The following MYZAP variants were observed in gnomAD, a reference collection of about 807,000 sequenced individuals.
The protein encoded by MYZAP is GRINL1A complex locus upstream.
Under a neutral mutation model 69.4 loss-of-function variants are expected in MYZAP, and 66 were observed. The observed-to-expected ratio is 0.95, with a 90% confidence interval of 0.78 to 1.17. The LOEUF (loss-of-function observed/expected upper bound fraction) is 1.17. MYZAP is among the 50% of genes most tolerant of loss of function. The pLI, the probability that MYZAP is intolerant of heterozygous loss-of-function variation, is 0.00. For missense variants in MYZAP, 611 were observed against 556.2 expected (o/e 1.10, Z -0.99); for synonymous variants, 256 against 205.9 (o/e 1.24, Z -2.09).
At chr15:57,626,440 T>C (rs1422955193) in intron 5 of MYZAP, among the ~76,000 whole-genome samples, 1 of 152,092 alleles carries the variant, frequency 6.6e-6, no homozygotes, top group Non-Finnish European at 1.5e-5. Context: ...AAATGCATGT[T>C]GTTATCTCAC....
chr15:57,604,342 A>G lies in MYZAP; in HGVS notation c.149A>G (p.Glu50Gly). 6.2e-7 allele frequency: 1 copy of G among 1,614,184 alleles called. No homozygotes were observed. Residue 50 changes from glutamate (E) to glycine (G), a missense_variant, in exon 2 of 13, where the codon GAG becomes GGG. Glu to Gly is a moderately conservative substitution (Grantham distance 98). Coordinates refer to ENST00000267853, the MANE Select transcript of MYZAP (RefSeq NM_001018100.5). Reference protein sequence around the residue: ...PVPEQCEKKIERKEQLLDLSN... With the variant: ...PVPEQCEKKIGRKEQLLDLSN... ...CCTGAGCAATGTGAAAAGAAGATTG[A>G]GAGAAAAGAGCAGGTAAGGTATCTC...
chr15:57,616,977 C>G (rs2035506678), intron 2 of MYZAP, among the ~76,000 whole-genome samples: 1 of 151,742 alleles, frequency 6.6e-6, no homozygotes, highest in African/African-American at 2.4e-5. Flanking sequence ...CTAGGGAAAA[C>G]TGAGAGAAGG....
chr15:57,674,995 T>A lies in MYZAP; in HGVS notation c.1231T>A (p.Tyr411Asn). The A allele has an allele frequency of 6.2e-7, 1 of 1,613,668 alleles. No homozygotes were observed. The highest frequency in any genetic ancestry group is 8.5e-7 in the Non-Finnish European group (1 of 1,179,640). ...TAATGAACTACAAAGCAGGTTGGACTATTTAACAGAAACCCAGGCCAAGAC... is the reference window on the plus strand; with the variant it reads ...TAATGAACTACAAAGCAGGTTGGACAATTTAACAGAAACCCAGGCCAAGAC... Reference protein sequence around the residue: ...ENNELQSRLDYLTETQAKTEV... With the variant: ...ENNELQSRLDNLTETQAKTEV... The change falls in exon 12 of 13, where the codon TAT becomes AAT. Residue 411 changes from tyrosine (Y) to asparagine (N), a missense_variant. Physicochemically the swap from Tyr to Asn is moderately radical, Grantham distance 143. Coordinates refer to ENST00000267853, the MANE Select transcript of MYZAP (RefSeq NM_001018100.5).
At chr15:57,603,529 C>T (rs1188112636) in intron 1 of MYZAP, among the ~76,000 whole-genome samples, 3 of 152,180 alleles carry the variant, frequency 2.0e-5, no homozygotes, top group Non-Finnish European at 4.4e-5. Context: ...GTTCCACTTT[C>T]TGTCTCTATG....
chr15:57,592,919 C>G (rs754640837), intron 1 of MYZAP, among the ~76,000 whole-genome samples: 40 of 152,168 alleles, frequency 2.6e-4, no homozygotes, highest in Non-Finnish European at 4.3e-4. Flanking sequence ...TACCTCTTTG[C>G]TCTGATTGAG....
At chr15:57,647,786 G>T in intron 10 of MYZAP, 4 of 985,370 alleles carry the variant, frequency 4.1e-6, no homozygotes, top group Non-Finnish European at 4.8e-6. Flanking sequence ...CTTAGATCTG[G>T]GTTCCTTGCA....
At chr15:57,643,827 AT>A (rs2037299361) in intron 10 of MYZAP, among the ~76,000 whole-genome samples, 1 of 147,966 alleles carries the variant, frequency 6.8e-6, no homozygotes, top group South Asian at 2.1e-4. Context: ...TCCCTTTGCC[AT>A]TTGTGATATA....
intron 6 of MYZAP, among the ~76,000 whole-genome samples, chr15:57,631,465 G>A (rs11635125): frequency 0.98 from 146,052 of 149,616 alleles, 71,382 homozygotes; most frequent in South Asian, 1. Context: ...CCCAAATTGG[G>A]AAAAAAAAAA....
At chr15:57,639,920 GTCTC>G (rs60801458) in intron 10 of MYZAP, among the ~76,000 whole-genome samples, 19 of 150,080 alleles carry the variant, frequency 1.3e-4, no homozygotes, top group East Asian at 1.9e-4. Context: ...CCGTCTGTCT[GTCTC>G]TCTCTCTCTC....
intron 2 of MYZAP, among the ~76,000 whole-genome samples, chr15:57,607,602 G>T (rs2034835613): frequency 6.6e-6 from 1 of 152,122 alleles, no homozygotes; most frequent in African/African-American, 2.4e-5. Flanking sequence ...GAACTCCAAG[G>T]CCCTGAGGAG....
At position 57,643,295 on chromosome 15, in the gene MYZAP, C is replaced by T. The variant is rs929812863; in HGVS notation, c.1119+3750C>T. ...AGTGGGGAGTCAAGCAGACATGGGC[C>T]GTGCTGGCACGGATCTTACCCACTG... On this transcript the variant is annotated intron_variant, in intron 10 of 12. Coordinates refer to ENST00000267853, the MANE Select transcript of MYZAP (RefSeq NM_001018100.5). Among the ~76,000 whole-genome samples, 13 of 152,324 alleles carry T rather than the reference C, an allele frequency of 8.5e-5. No individual in the cohort carries two copies. In the East Asian group the frequency reaches 1.4e-3, roughly 16 times the overall value.
chr15:57,602,633 C>G (rs984541289), intron 1 of MYZAP, among the ~76,000 whole-genome samples: 1 of 152,190 alleles, frequency 6.6e-6, no homozygotes, highest in African/African-American at 2.4e-5. Context: ...ACAGCACTCC[C>G]GCGAACTGAG....
At chr15:57,670,123 G>A (rs935904156) in intron 11 of MYZAP, among the ~76,000 whole-genome samples, 11 of 152,046 alleles carry the variant, frequency 7.2e-5, no homozygotes, top group Non-Finnish European at 1.2e-4. Context: ...GTTGGGTTTA[G>A]GTGGTTGATA....
Position 57,630,889 on chromosome 15 carries a change from G to T in MYZAP, c.678+1035G>T, listed in dbSNP as rs184590943. Among the ~76,000 whole-genome samples the T allele has an allele frequency of 1.1e-3, 161 of 152,288 alleles. 2 individuals are homozygous for T. The highest frequency in any genetic ancestry group is 3.8e-3 in the African/African-American group (157 of 41,558). On this transcript the variant is annotated intron_variant, in intron 6 of 12. Transcript: ENST00000267853. Reference sequence around the variant, plus strand: ...GAGGGAGTGAAAGGTGGTACTATTGGTAATTTAGTTAGGGAGACAAACTGG... The same window carrying T: ...GAGGGAGTGAAAGGTGGTACTATTGTTAATTTAGTTAGGGAGACAAACTGG...
intron 1 of MYZAP, among the ~76,000 whole-genome samples, chr15:57,596,604 C>T (rs796609918): frequency 3.3e-5 from 5 of 152,170 alleles, no homozygotes; most frequent in Non-Finnish European, 4.4e-5. Flanking sequence ...TTCTAAAATG[C>T]TAAATCTAGT....
Position 57,655,278 on chromosome 15 carries a change from C to T in MYZAP, c.1120-6172C>T, listed in dbSNP as rs948746611. 1.2e-3 allele frequency among the ~76,000 whole-genome samples: 178 copies of T among 152,178 alleles called. 1 individual carries two copies. Among genetic ancestry groups the T allele is most frequent in the Non-Finnish European group, 7.1e-4 (48 of 68,008 alleles). On this transcript the variant is annotated intron_variant, in intron 10 of 12. Coordinates refer to ENST00000267853, the MANE Select transcript of MYZAP (RefSeq NM_001018100.5). ...GCCTGTGTGTTCAAAGTCCTGGAGG[C>T]GGGACCATAGTGTGTTCATGCAGTG...
chr15:57,601,571 G>C (rs975188408), intron 1 of MYZAP, among the ~76,000 whole-genome samples: 1 of 152,048 alleles, frequency 6.6e-6, no homozygotes, highest in Non-Finnish European at 1.5e-5. Context: ...AGTATGGCTT[G>C]GTTTCTTTTT....
intron 2 of MYZAP, among the ~76,000 whole-genome samples, chr15:57,607,258 G>T (rs971126083): frequency 6.6e-6 from 1 of 152,132 alleles, no homozygotes; most frequent in African/African-American, 2.4e-5. Flanking sequence ...GGAGATGTTC[G>T]TGAAAGGTTT....
chr15:57,600,976 C>G (rs58017146), intron 1 of MYZAP, among the ~76,000 whole-genome samples: 14,241 of 152,060 alleles, frequency 0.094, 746 homozygotes, highest in Admixed American at 0.13. Context: ...TATTTAGGGG[C>G]CTGAGGTCGG....
Sources: gnomAD v4.1 joint callset for allele counts (sites outside exome capture counted in the v4.1 genomes callset) on GRCh38, gnomAD v4.1.1 for gene constraint, MANE v1.5 for transcripts, NCBI Gene and HGNC (gene_info 2026-07-23, HGNC 2026-07-21) for gene names.